TOP1: variants seen among roughly 807,000 people sequenced by gnomAD.
TOP1 encodes the protein DNA topoisomerase 1.
Under a neutral mutation model 111.1 loss-of-function variants are expected in TOP1, and 10 were observed. The observed-to-expected ratio is 0.09, with a 90% CI of 0.06 to 0.15. The LOEUF is 0.15. Ranked by LOEUF, TOP1 falls within the 10% of genes least tolerant of loss-of-function variation. TOP1 has a pLI of 1.00. For synonymous variants in TOP1, 271 were observed against 302.9 expected, an observed-to-expected ratio of 0.89 and a Z score of 1.10; for missense variants, 474 against 926.7, an observed-to-expected ratio of 0.51 and a Z score of 6.34.
At chr20:41,117,440 C>T (rs1417704839) in intron 17 of TOP1, among the ~76,000 whole-genome samples, 6 of 122,832 alleles carry the variant, frequency 4.9e-5, no homozygotes, top group African/African-American at 2.0e-4. Context: ...GGTTGGAGTG[C>T]AGTGGCGCGA....
chr20:41,077,486 A>G (rs935560725), intron 4 of TOP1, 96 bp from the exon 5 acceptor site: 72 of 964,404 alleles, frequency 7.5e-5, no homozygotes, highest in Non-Finnish European at 1.1e-4. Flanking sequence ...GCTTGTGATC[A>G]TGATGTCCCA....
rs201871994 is a variant in TOP1 at position 41,116,243 on chromosome 20, G to T, written c.1708-35G>T. The T allele has an allele frequency of 4.1e-6, 6 of 1,465,206 alleles. No homozygotes were observed. Among genetic ancestry groups the T allele is most frequent in the Non-Finnish European group, 5.7e-6 (6 of 1,046,730 alleles). 90.8% of individuals were successfully genotyped at this position (1,465,206 alleles called of 1,614,324 possible). ...GCTGCCAGAAGGAGCAGGTAGTATA[G>T]CTTTGACCTAAATCTGTTGCTTTGT... On this transcript the variant is annotated intron_variant, in intron 16 of 20. Transcript: ENST00000361337. This position sits in a 1 kb window ranked among gnomAD's most constrained non-coding sequence, Gnocchi z 5.6.
At position 41,092,815 on chromosome 20, in the gene TOP1, C is replaced by T. The variant is rs1417315268; in HGVS notation, c.730+228C>T. ...GCTATTCATGTCTTCCCTACATAGT[C>T]CAAAAAAGGTTTGTCAACATGGCTA... On this transcript the variant is annotated intron_variant, in intron 9 of 20. Transcript: ENST00000361337. This position sits in a 1 kb window ranked among gnomAD's most constrained non-coding sequence, Gnocchi z 4.3. Among the ~76,000 whole-genome samples the T allele has an allele frequency of 1.3e-5, 2 of 152,098 alleles. No individual in the cohort carries two copies. The highest frequency in any genetic ancestry group is 2.4e-5 in the African/African-American group (1 of 41,414).
At chr20:41,077,744 A>C in intron 5 of TOP1, 107 bp downstream of exon 5, 1 of 1,005,366 alleles carries the variant, frequency 9.9e-7, no homozygotes, top group Admixed American at 1.9e-5. Context: ...TGACCTGGCC[A>C]TCTTGATGGT....
chr20:41,032,237 TTC>T lies in TOP1; in HGVS notation c.58+2783_58+2784del, dbSNP rs1491280491. Among the ~76,000 whole-genome samples, 1 of 152,042 alleles carries T rather than the reference TTC, an allele frequency of 6.6e-6. No homozygotes were observed. Among genetic ancestry groups the T allele is most frequent in the East Asian group, 1.9e-4 (1 of 5,198 alleles). On this transcript the variant is annotated intron_variant, in intron 2 of 20. Coordinates refer to ENST00000361337, the MANE Select transcript of TOP1 (RefSeq NM_003286.4). The surrounding 1 kb of genome is among the most constrained non-coding windows in gnomAD (Gnocchi z 4.3). ...CCCTCATCCCCTAAGATATAAAAGA[TTC>T]CCCCCCGTCCCCCCACTTTGGAGCT...
chr20:41,098,093 T>C lies in TOP1; in HGVS notation c.853-122T>C. 1.0e-6 allele frequency: 1 copy of C among 955,448 alleles called. No individual in the cohort carries two copies. Among genetic ancestry groups the C allele is most frequent in the Non-Finnish European group, 1.6e-6 (1 of 617,590 alleles). 59.2% of individuals were successfully genotyped at this position (955,448 alleles called of 1,614,324 possible). A position where few individuals can be genotyped will look rare whatever the true frequency, so the allele number is the denominator to read the frequency against. ...TTTTTCAAAATTCATTAATTGAGAT[T>C]GGCTACTTCCAGAAACCTTTGACTG... On this transcript the variant is annotated intron_variant, in intron 10 of 20. Coordinates refer to ENST00000361337, the MANE Select transcript of TOP1 (RefSeq NM_003286.4). This position sits in a 1 kb window ranked among gnomAD's most constrained non-coding sequence, Gnocchi z 5.7.
rs1233467436 is a variant in TOP1, at chr20:41,082,429, A to G, written c.507+1189A>G. ...AAATAGAGTATAGAAATATTTAATC[A>G]TTTGCCTGAGGTCACATAGCTACTA... On this transcript the variant is annotated intron_variant, in intron 7 of 20. Coordinates refer to ENST00000361337, the MANE Select transcript of TOP1 (RefSeq NM_003286.4). The surrounding 1 kb of genome is among the most constrained non-coding windows in gnomAD (Gnocchi z 4.1). 6.6e-6 allele frequency among the ~76,000 whole-genome samples: 1 copy of G among 152,142 alleles called. No homozygotes were observed. The highest frequency in any genetic ancestry group is 2.4e-5 in the African/African-American group (1 of 41,430).
chr20:41,097,989 CATG>C lies in TOP1; in HGVS notation c.853-223_853-221del, dbSNP rs2034005716. ...AACCACATAAGAATTCATTTTTTTC[CATG>C]ATAAGTCATTTTAAAACATTTTAAT... On this transcript the variant is annotated intron_variant, in intron 10 of 20. Coordinates refer to ENST00000361337, the MANE Select transcript of TOP1 (RefSeq NM_003286.4). The surrounding 1 kb of genome is among the most constrained non-coding windows in gnomAD (Gnocchi z 4.2). Among the ~76,000 whole-genome samples, 3 of 152,110 alleles carry C rather than the reference CATG, an allele frequency of 2.0e-5. No individual in the cohort carries two copies. Among genetic ancestry groups the C allele is most frequent in the African/African-American group, 7.2e-5 (3 of 41,408 alleles).
chr20:41,028,874 GC>G lies in TOP1; in HGVS notation c.-191del. ...CTGCTGGGGTCTGTTCTCGCCGCCC[GC>G]CCGGCAGTCAGGCAGCGTCGCCGCC... On this transcript the variant is annotated 5_prime_UTR_variant, in exon 1 of 21. Coordinates refer to ENST00000361337, the MANE Select transcript of TOP1 (RefSeq NM_003286.4). The G allele has an allele frequency of 1.8e-6, 1 of 559,894 alleles. No individual in the cohort carries two copies. The highest frequency in any genetic ancestry group is 3.1e-6 in the Non-Finnish European group (1 of 318,334). 34.7% of individuals were successfully genotyped at this position (559,894 alleles called of 1,614,324 possible).
Position 41,122,168 on chromosome 20 carries a change from C to T in TOP1, c.2195+13C>T. 3 of 1,613,456 alleles carry T rather than the reference C, an allele frequency of 1.9e-6. No individual in the cohort carries two copies. The highest frequency in any genetic ancestry group is 1.1e-5 in the South Asian group (1 of 91,010). ...TCACAGTGGCTTGGTAAGTGTTGAG[C>T]CCTCCTTGAGCTCCTGCTGCTAGCT... On this transcript the variant is annotated intron_variant, in intron 20 of 20. Coordinates refer to ENST00000361337, the MANE Select transcript of TOP1 (RefSeq NM_003286.4). This position sits in a 1 kb window ranked among gnomAD's most constrained non-coding sequence, Gnocchi z 5.4.
At chr20:41,052,951 C>G (rs893526381) in intron 2 of TOP1, among the ~76,000 whole-genome samples, 2 of 152,174 alleles carry the variant, frequency 1.3e-5, no homozygotes, top group African/African-American at 4.8e-5. Context: ...GATTGCACCA[C>G]TGCACTCCAG....
In TOP1 at chr20:41,082,664, GT is replaced by G; in HGVS notation, c.507+1431del. 6.6e-6 allele frequency among the ~76,000 whole-genome samples: 1 copy of G among 152,238 alleles called. No homozygotes were observed. Among genetic ancestry groups the G allele is most frequent in the Non-Finnish European group, 1.5e-5 (1 of 67,996 alleles). ...CAGGTCCTGAATTTAGAAGGTTGCC[GT>G]TTTTTTGACAACTAGTCTATTCTTG... is the stretch of plus-strand genomic sequence containing the variant. On this transcript the variant is annotated intron_variant, in intron 7 of 20. Transcript: ENST00000361337. This position sits in a 1 kb window ranked among gnomAD's most constrained non-coding sequence, Gnocchi z 4.1.
At chr20:41,038,560 C>T (rs2033218516) in intron 2 of TOP1, among the ~76,000 whole-genome samples, 1 of 152,108 alleles carries the variant, frequency 6.6e-6, no homozygotes, top group Admixed American at 6.5e-5. Flanking sequence ...GATACTATTG[C>T]TGTAAATCAT....
rs2033156700 is a variant in TOP1, at chr20:41,034,237, A to T, written c.58+4782A>T. On this transcript the variant is annotated intron_variant, in intron 2 of 20. Coordinates refer to ENST00000361337, the MANE Select transcript of TOP1 (RefSeq NM_003286.4). This position sits in a 1 kb window ranked among gnomAD's most constrained non-coding sequence, Gnocchi z 4.0. ...TATTGTGTTTAAAGGAAGCTTTCAG[A>T]TTGTGTTTAAACTTCGAGTAGTAAT... 6.6e-6 allele frequency among the ~76,000 whole-genome samples: 1 copy of T among 152,226 alleles called. No homozygotes were observed. Among genetic ancestry groups the T allele is most frequent in the Non-Finnish European group, 1.5e-5 (1 of 68,050 alleles).
At position 41,081,907 on chromosome 20, in the gene TOP1, C is replaced by CA. The variant is rs1160424764; in HGVS notation, c.507+673dup. On this transcript the variant is annotated intron_variant, in intron 7 of 20. Coordinates refer to ENST00000361337, the MANE Select transcript of TOP1 (RefSeq NM_003286.4). ...TATCCTTTTGGCCTATAACCTTCCTCAAAAAACTCAGTTCCGTTTAAATGC... is the reference window on the plus strand; with the variant it reads ...TATCCTTTTGGCCTATAACCTTCCTCAAAAAAACTCAGTTCCGTTTAAATGC... Among the ~76,000 whole-genome samples the CA allele has an allele frequency of 2.6e-5, 4 of 152,318 alleles. No individual in the cohort carries two copies. In the East Asian group the frequency reaches 7.7e-4, roughly 29 times the overall value.
Position 41,115,564 on chromosome 20 carries a change from A to T in TOP1, c.1707+125A>T, listed in dbSNP as rs2145967466. 13 of 669,504 alleles carry T rather than the reference A, an allele frequency of 1.9e-5. No homozygotes were observed. In the South Asian group the frequency reaches 2.0e-4, roughly 10 times the overall value. 41.5% of individuals were successfully genotyped at this position (669,504 alleles called of 1,614,324 possible). A position where few individuals can be genotyped will look rare whatever the true frequency, so the allele number is the denominator to read the frequency against. On this transcript the variant is annotated intron_variant, in intron 16 of 20. Coordinates refer to ENST00000361337, the MANE Select transcript of TOP1 (RefSeq NM_003286.4). The surrounding 1 kb of genome is among the most constrained non-coding windows in gnomAD (Gnocchi z 6.3). ...AGCCTGGCCTGCTCTGTGGCATCCC[A>T]TACACTCTCTCTTCCTCCCTCTGAG...
At chr20:41,033,824 C>T (rs1346450372) in intron 2 of TOP1, among the ~76,000 whole-genome samples, 1 of 152,134 alleles carries the variant, frequency 6.6e-6, no homozygotes, top group Non-Finnish European at 1.5e-5. Flanking sequence ...GTCGTTTCCT[C>T]AGAAGTGTGT....
At chr20:41,031,585 C>T (rs1176351440) in intron 2 of TOP1, among the ~76,000 whole-genome samples, 1 of 152,200 alleles carries the variant, frequency 6.6e-6, no homozygotes, top group Non-Finnish European at 1.5e-5. Context: ...TACTTACTGC[C>T]AGGCATGAAT....
intron 2 of TOP1, among the ~76,000 whole-genome samples, chr20:41,043,052 A>T (rs975664287): frequency 6.6e-6 from 1 of 152,220 alleles, no homozygotes; most frequent in African/African-American, 2.4e-5. Flanking sequence ...TTTCAAACAC[A>T]TATTGTTCAG....
Sources: gnomAD v4.1 joint callset for allele counts (sites outside exome capture counted in the v4.1 genomes callset) on GRCh38, gnomAD v4.1.1 for gene constraint, Gnocchi (gnomAD v3.1) non-coding constraint, MANE v1.5 for transcripts, NCBI Gene and HGNC (gene_info 2026-07-23, HGNC 2026-07-21) for gene names.